Variants in DIAPH3 observed in about 807,000 individuals in gnomAD.
DIAPH3 encodes diaphanous related formin 3, also known as protein diaphanous homolog 3.
DIAPH3 carries 117 observed loss-of-function variants against 144.3 expected under a neutral mutation model. The observed-to-expected ratio is 0.81, with a 90% CI of 0.70 to 0.95. The LOEUF is 0.95. Ranked by LOEUF, DIAPH3 falls within the 40% of genes least tolerant of loss-of-function variation. The probability of loss-of-function intolerance (pLI) is 0.00; values close to 1 mark genes in which losing one functional copy is unlikely to be tolerated. For missense variants in DIAPH3, 1,421 were observed against 1,412.7 expected, an observed-to-expected ratio of 1.01 and a Z score of -0.09; for synonymous variants, 519 against 488.9, an observed-to-expected ratio of 1.06 and a Z score of -0.81.
intron 21 of DIAPH3, among the ~76,000 whole-genome samples, chr13:59,866,148 T>C (rs2043909961): frequency 6.6e-6 from 1 of 151,934 alleles, no homozygotes; most frequent in East Asian, 1.9e-4. Flanking sequence ...AGGATGACAG[T>C]AGCATCCTCA....
intron 17 of DIAPH3, among the ~76,000 whole-genome samples, chr13:59,940,129 A>G (rs2048457829): frequency 6.6e-6 from 1 of 152,220 alleles, no homozygotes; most frequent in African/African-American, 2.4e-5. Context: ...GCTATTAAAA[A>G]GAACGTACTT....
chr13:59,795,659 G>A (rs78140006), intron 25 of DIAPH3, among the ~76,000 whole-genome samples: 7,583 of 151,690 alleles, frequency 0.05, 271 homozygotes, highest in South Asian at 0.11. Flanking sequence ...TTCACTGTGC[G>A]TGCTAAGATG....
chr13:59,996,074 T>C (rs1195155789), intron 9 of DIAPH3, among the ~76,000 whole-genome samples: 1 of 152,038 alleles, frequency 6.6e-6, no homozygotes, highest in Non-Finnish European at 1.5e-5. Context: ...TGATCAACTG[T>C]GTCAACTGGT....
chr13:60,007,041 C>T (rs891495015), intron 9 of DIAPH3, among the ~76,000 whole-genome samples: 1 of 151,996 alleles, frequency 6.6e-6, no homozygotes, highest in Admixed American at 6.6e-5. Context: ...TTCACAGCTC[C>T]TATCATATTC....
At chr13:59,685,609 A>G (rs940189179) in intron 27 of DIAPH3, among the ~76,000 whole-genome samples, 1 of 152,144 alleles carries the variant, frequency 6.6e-6, no homozygotes, top group Admixed American at 6.6e-5. Context: ...AACCAGAATG[A>G]AAACCTGTAA....
At chr13:59,801,308 T>C (rs2039888344) in intron 25 of DIAPH3, among the ~76,000 whole-genome samples, 1 of 152,190 alleles carries the variant, frequency 6.6e-6, no homozygotes, top group Admixed American at 6.5e-5. Flanking sequence ...TGTCACACAT[T>C]TAGAATCTTC....
chr13:59,809,582 T>C lies in DIAPH3; in HGVS notation c.3163+1206A>G, dbSNP rs191210942. Among the ~76,000 whole-genome samples the C allele has an allele frequency of 8.5e-3, 1,291 of 152,254 alleles. 11 individuals carry two copies. Among genetic ancestry groups the C allele is most frequent in the Admixed American group, 0.012 (180 of 15,302 alleles). On this transcript the variant is annotated intron_variant, in intron 25 of 27. Coordinates refer to ENST00000400324, the MANE Select transcript of DIAPH3 (RefSeq NM_001042517.2). The stretch of plus-strand genomic sequence containing the variant: ...AGTAATATATTAATTTAAAATTCTT[T>C]CCAGAAGCATATTTTAAAAATAAAT...
chr13:59,899,361 T>C (rs1414583322), intron 20 of DIAPH3, among the ~76,000 whole-genome samples: 1 of 152,174 alleles, frequency 6.6e-6, no homozygotes, highest in Non-Finnish European at 1.5e-5. Context: ...CAACTGATTA[T>C]GCAATTTCAA....
intron 21 of DIAPH3, among the ~76,000 whole-genome samples, chr13:59,867,162 T>G (rs1047365491): frequency 1.1e-4 from 16 of 150,876 alleles, no homozygotes; most frequent in Non-Finnish European, 2.1e-4. Context: ...CAAATGGCAA[T>G]GAAAATCTTG....
intron 27 of DIAPH3, among the ~76,000 whole-genome samples, chr13:59,724,078 G>A (rs540215438): frequency 5.3e-4 from 80 of 152,034 alleles, no homozygotes; most frequent in Non-Finnish European, 1.1e-3. Flanking sequence ...AGTATGGGTA[G>A]GGTTGCAAGA....
intron 27 of DIAPH3, among the ~76,000 whole-genome samples, chr13:59,667,325 T>C (rs2032078097): frequency 6.6e-6 from 1 of 152,218 alleles, no homozygotes; most frequent in African/African-American, 2.4e-5. Flanking sequence ...GAATGTGTGC[T>C]CCAAGACAGT....
intron 25 of DIAPH3, among the ~76,000 whole-genome samples, chr13:59,785,542 C>G (rs1405008771): frequency 6.6e-6 from 1 of 152,068 alleles, no homozygotes; most frequent in Non-Finnish European, 1.5e-5. Context: ...GAAGATTAAG[C>G]AAGGTATAAA....
Position 59,971,157 on chromosome 13 carries a change from C to A in DIAPH3, c.1654G>T (p.Gly552Cys). The A allele has an allele frequency of 6.4e-7, 1 of 1,570,228 alleles. No homozygotes were observed. Among genetic ancestry groups the A allele is most frequent in the African/African-American group, 1.3e-5 (1 of 74,152 alleles). ...ATATTACAATCAGCTGGCAAGGCAC[C>A]AAACTGGAGAAAAAAACAATAAGAG... ...AELQAFKSQF[G>C]ALPADCNIPL... The change falls in exon 16 of 28, where the codon GGT becomes TGT. Residue 552 changes from glycine to cysteine, a missense_variant. By Grantham distance (159) the Gly-to-Cys change is radical. Transcript: ENST00000400324.
chr13:60,091,728 C>A (rs1314922882), intron 4 of DIAPH3, among the ~76,000 whole-genome samples: 1 of 152,098 alleles, frequency 6.6e-6, no homozygotes, highest in African/African-American at 2.4e-5. Flanking sequence ...GAACAAAAAA[C>A]AAATTACAAA....
At chr13:59,782,079 G>C (rs576207588) in intron 25 of DIAPH3, among the ~76,000 whole-genome samples, 1 of 151,888 alleles carries the variant, frequency 6.6e-6, no homozygotes, top group Non-Finnish European at 1.5e-5. Flanking sequence ...AGGTGTTTTT[G>C]TTATAGCAGC....
At chr13:59,784,972 C>CT (rs1469670954) in intron 25 of DIAPH3, among the ~76,000 whole-genome samples, 8 of 152,124 alleles carry the variant, frequency 5.3e-5, no homozygotes, top group African/African-American at 1.9e-4. Flanking sequence ...CCAGTTCAGT[C>CT]TTTAACTAGC....
intron 27 of DIAPH3, among the ~76,000 whole-genome samples, chr13:59,714,696 G>A (rs1274292303): frequency 6.6e-6 from 1 of 151,872 alleles, no homozygotes; most frequent in Admixed American, 6.6e-5. Context: ...TATCAGTTAG[G>A]ATGTTCCCAA....
At chr13:60,152,560 A>T (rs984117321) in intron 1 of DIAPH3, among the ~76,000 whole-genome samples, 11 of 146,852 alleles carry the variant, frequency 7.5e-5, no homozygotes, top group African/African-American at 1.7e-4. Context: ...AAATTGAATT[A>T]AAAAAAAAAG....
chr13:59,885,695 G>A (rs2045399318), intron 20 of DIAPH3, among the ~76,000 whole-genome samples: 1 of 152,006 alleles, frequency 6.6e-6, no homozygotes, highest in African/African-American at 2.4e-5. Flanking sequence ...ATCATATTTG[G>A]AAACAGTTTT....
Sources: allele counts gnomAD v4.1 joint callset (sites outside exome capture counted in the v4.1 genomes callset), GRCh38; gene constraint gnomAD v4.1.1; transcripts MANE v1.5; gene names NCBI Gene and HGNC (gene_info 2026-07-23, HGNC 2026-07-21).